The following SPRED2 variants were observed in gnomAD, a reference collection of about 807,000 sequenced individuals.
The protein encoded by SPRED2 is sprouty-related, EVH1 domain-containing protein 2.
In SPRED2, 47 loss-of-function variants were observed where a neutral mutation model predicts 43.0. The observed-to-expected ratio is 1.09, with a 90% CI of 0.87 to 1.40. The LOEUF (loss-of-function observed/expected upper bound fraction) is 1.40, where lower values mean the gene tolerates loss of function less well. Ranked by LOEUF, SPRED2 falls within the 40% of genes most tolerant of loss-of-function variation. SPRED2 has a pLI of 0.00. For synonymous variants in SPRED2, 225 were observed against 225.7 expected, an observed-to-expected ratio of 1.00 and a Z score of 0.03; for missense variants, 561 against 586.4, an observed-to-expected ratio of 0.96 and a Z score of 0.45.
chr2:65,381,853 G>A (rs1443126388), intron 1 of SPRED2, among the ~76,000 whole-genome samples: 1 of 152,210 alleles, frequency 6.6e-6, no homozygotes, highest in African/African-American at 2.4e-5. Flanking sequence ...TTACTTGGGG[G>A]CTTTCAGACA....
intron 1 of SPRED2, among the ~76,000 whole-genome samples, chr2:65,345,323 G>A (rs1297541102): frequency 7.2e-6 from 1 of 139,832 alleles, no homozygotes; most frequent in African/African-American, 2.6e-5. Context: ...GAGTGTAATG[G>A]CGCGATGTCG....
intron 1 of SPRED2, among the ~76,000 whole-genome samples, chr2:65,361,845 A>G (rs1674823304): frequency 6.6e-6 from 1 of 152,200 alleles, no homozygotes; most frequent in Admixed American, 6.5e-5. Flanking sequence ...CCTTTATGAC[A>G]CATGCTGTCT....
At chr2:65,326,819 G>A (rs527346402) in intron 4 of SPRED2, among the ~76,000 whole-genome samples, 1 of 152,128 alleles carries the variant, frequency 6.6e-6, no homozygotes, top group Non-Finnish European at 1.5e-5. Context: ...AAACAATTTT[G>A]TGAAAAATTT....
chr2:65,328,292 C>T (rs1673705082), intron 4 of SPRED2, among the ~76,000 whole-genome samples: 1 of 152,150 alleles, frequency 6.6e-6, no homozygotes, highest in Non-Finnish European at 1.5e-5. Context: ...AAATGCACAT[C>T]GTTTAGGCAG....
chr2:65,328,914 C>T (rs932517253), intron 4 of SPRED2, among the ~76,000 whole-genome samples: 1 of 152,166 alleles, frequency 6.6e-6, no homozygotes, highest in Admixed American at 6.5e-5. Flanking sequence ...TATTCTGTGC[C>T]CTTTTACTTC....
chr2:65,415,463 A>T (rs1238126559), intron 1 of SPRED2, among the ~76,000 whole-genome samples: 7 of 152,236 alleles, frequency 4.6e-5, no homozygotes, highest in Non-Finnish European at 1.5e-5. Context: ...AAAAAAAAAA[A>T]AATTCAAATA....
At chr2:65,364,593 T>C (rs966268841) in intron 1 of SPRED2, among the ~76,000 whole-genome samples, 5 of 152,232 alleles carry the variant, frequency 3.3e-5, no homozygotes, top group African/African-American at 9.6e-5. Context: ...ACCCTCTGTG[T>C]ACTGTAACCA....
chr2:65,313,192 A>G lies in SPRED2; in HGVS notation c.*309T>C. On this transcript the variant is annotated 3_prime_UTR_variant, in exon 6 of 6. Transcript: ENST00000356388. ...GGAGGAGGAAACAGGAAATCAACAC[A>G]TGGATGAGACAGTTAGCTTGGTTAC... The G allele has an allele frequency of 9.2e-7, 1 of 1,089,070 alleles. No individual in the cohort carries two copies. Among genetic ancestry groups the G allele is most frequent in the Non-Finnish European group, 1.1e-6 (1 of 896,788 alleles). The allele number at this position is 1,089,070 out of a possible 1,614,324, so 67.5% of individuals were successfully genotyped here.
chr2:65,337,389 T>G lies in SPRED2; in HGVS notation c.205-2616A>C, dbSNP rs576418196. ...GATGCATACGGAGAAAAAAAGTGATTATGTTCTTGTTCGAGACTTGAAAAA... is the reference window on the plus strand; with the variant it reads ...GATGCATACGGAGAAAAAAAGTGATGATGTTCTTGTTCGAGACTTGAAAAA... On this transcript the variant is annotated intron_variant, in intron 2 of 5. Coordinates refer to ENST00000356388, the MANE Select transcript of SPRED2 (RefSeq NM_181784.3). 4.6e-5 allele frequency among the ~76,000 whole-genome samples: 7 copies of G among 152,274 alleles called. No homozygotes were observed. In the East Asian group the frequency reaches 1.4e-3, roughly 29 times the overall value.
intron 4 of SPRED2, among the ~76,000 whole-genome samples, chr2:65,329,323 T>C (rs1173499181): frequency 6.6e-6 from 1 of 152,236 alleles, no homozygotes; most frequent in African/African-American, 2.4e-5. Context: ...GGGACCTGGT[T>C]TGTAAGCCCT....
At position 65,360,595 on chromosome 2, in the gene SPRED2, G is replaced by C. The variant is rs187032597; in HGVS notation, c.27-15699C>G. Among the ~76,000 whole-genome samples, 192 of 152,272 alleles carry C rather than the reference G, an allele frequency of 1.3e-3. 1 individual carries two copies. The highest frequency in any genetic ancestry group is 6.8e-3 in the Middle Eastern group (2 of 294). ...AAAGAAATACTGCATGATTTGTTCC[G>C]CTTACACCAGCTATCTAAATGTGAC... On this transcript the variant is annotated intron_variant, in intron 1 of 5. Coordinates refer to ENST00000356388, the MANE Select transcript of SPRED2 (RefSeq NM_181784.3).
At chr2:65,383,564 C>G (rs900420209) in intron 1 of SPRED2, among the ~76,000 whole-genome samples, 1 of 152,136 alleles carries the variant, frequency 6.6e-6, no homozygotes, top group Non-Finnish European at 1.5e-5. Context: ...CCCATCAAAA[C>G]CCACCAAAGG....
intron 1 of SPRED2, among the ~76,000 whole-genome samples, chr2:65,347,483 TGATG>T (rs147831962): frequency 0.019 from 2,941 of 152,178 alleles, 85 homozygotes; most frequent in African/African-American, 0.067. Context: ...CACTCTCAGA[TGATG>T]GATGAAGTTG....
chr2:65,346,353 A>G (rs1674351686), intron 1 of SPRED2, among the ~76,000 whole-genome samples: 1 of 151,482 alleles, frequency 6.6e-6, no homozygotes, highest in South Asian at 2.1e-4. Context: ...GCGGTAAAAT[A>G]TGAATGGCAT....
At chr2:65,323,021 G>C (rs1238246252) in intron 4 of SPRED2, among the ~76,000 whole-genome samples, 1 of 152,156 alleles carries the variant, frequency 6.6e-6, no homozygotes, top group Non-Finnish European at 1.5e-5. Flanking sequence ...TTGAGACAGA[G>C]TCTCGCTCTG....
chr2:65,374,051 A>G (rs1405348625), intron 1 of SPRED2: 1 of 152,238 alleles, frequency 6.6e-6, no homozygotes, highest in African/African-American at 2.4e-5. Context: ...TGCTAACTTA[A>G]CGTACTTTTC....
intron 1 of SPRED2, among the ~76,000 whole-genome samples, chr2:65,379,072 G>A (rs767812051): frequency 6.6e-6 from 1 of 152,030 alleles, no homozygotes; most frequent in Non-Finnish European, 1.5e-5. Flanking sequence ...CATTACCGGT[G>A]CAATCAAAGA....
rs564536719 is a variant in SPRED2 at position 65,358,050 on chromosome 2, C to T, written c.27-13154G>A. Among the ~76,000 whole-genome samples, 3 of 152,196 alleles carry T rather than the reference C, an allele frequency of 2.0e-5. No homozygotes were observed. The South Asian group carries it at 6.2e-4, about 32-fold the overall frequency. On this transcript the variant is annotated intron_variant, in intron 1 of 5. Coordinates refer to ENST00000356388, the MANE Select transcript of SPRED2 (RefSeq NM_181784.3). ...TTAGCAAACTTAAGCCACTAAAATA[C>T]CCTACAAAAGCAGATCAGAAAACTT...
At chr2:65,420,055 C>T (rs1383102426) in intron 1 of SPRED2, among the ~76,000 whole-genome samples, 1 of 151,752 alleles carries the variant, frequency 6.6e-6, no homozygotes, top group African/African-American at 2.4e-5. Flanking sequence ...ACTAAAAATA[C>T]AAAAATTAGC....
Sources: gnomAD v4.1 joint callset for allele counts (sites outside exome capture counted in the v4.1 genomes callset) on GRCh38, gnomAD v4.1.1 for gene constraint, MANE v1.5 for transcripts, NCBI Gene and HGNC (gene_info 2026-07-23, HGNC 2026-07-21) for gene names.